Variants in CHST11 observed in about 807,000 individuals in gnomAD.
CHST11 encodes carbohydrate sulfotransferase 11.
A neutral mutation model predicts 30.4 loss-of-function variants in CHST11; 9 were observed. That is an observed-to-expected ratio of 0.30 (90% CI 0.18 to 0.52). The LOEUF (loss-of-function observed/expected upper bound fraction) is 0.52, where lower values mean the gene tolerates loss of function less well. Among genes scored for constraint, CHST11 ranks in the 20% least tolerant of loss-of-function variants. The pLI is 0.97. For synonymous variants in CHST11, 152 were observed against 187.8 expected (o/e 0.81, Z 1.56); for missense variants, 348 against 460.6 (o/e 0.76, Z 2.24).
chr12:104,628,548 G>A (rs2039241293), intron 2 of CHST11, among the ~76,000 whole-genome samples: 2 of 152,160 alleles, frequency 1.3e-5, no homozygotes, highest in South Asian at 2.1e-4. Flanking sequence ...GTAACGTGGC[G>A]TTGAATTCCG....
chr12:104,640,702 A>G (rs1037099579), intron 2 of CHST11, among the ~76,000 whole-genome samples: 3 of 152,230 alleles, frequency 2.0e-5, no homozygotes, highest in African/African-American at 7.2e-5. Flanking sequence ...CAAAGAATGA[A>G]GTCTAATGTA....
At chr12:104,636,864 T>TA (rs200514563) in intron 2 of CHST11, among the ~76,000 whole-genome samples, 1 of 151,850 alleles carries the variant, frequency 6.6e-6, no homozygotes, top group African/African-American at 2.4e-5. Context: ...TTTTTTTTTT[T>TA]AAAACAACTT....
In CHST11 at chr12:104,458,588, CCGGGTAACG is replaced by C. The variant is rs891005076; in HGVS notation, c.118+1065_118+1073del. Among the ~76,000 whole-genome samples the C allele has an allele frequency of 3.3e-5, 5 of 152,258 alleles. No homozygotes were observed. The highest frequency in any genetic ancestry group is 1.2e-4 in the African/African-American group (5 of 41,476). On this transcript the variant is annotated intron_variant, in intron 1 of 2. Coordinates refer to ENST00000303694, the MANE Select transcript of CHST11 (RefSeq NM_018413.6). The surrounding 1 kb of genome is among the most constrained non-coding windows in gnomAD (Gnocchi z 5.7). ...CAGGTAGAACGTTCCGAGAAGCCTT[CCGGGTAACG>C]CGGGTCTCCCCGCCAAGCCGTGGCT...
intron 1 of CHST11, among the ~76,000 whole-genome samples, chr12:104,537,771 C>T (rs1338929280): frequency 1.4e-5 from 2 of 147,262 alleles, no homozygotes; most frequent in East Asian, 4.2e-4. Flanking sequence ...TCATGGCTCA[C>T]TACAGCCTCA....
chr12:104,675,279 G>A (rs1191032567), intron 2 of CHST11, among the ~76,000 whole-genome samples: 2 of 152,206 alleles, frequency 1.3e-5, no homozygotes, highest in Admixed American at 1.3e-4. Context: ...ACCTATAATT[G>A]ACAGAAATTA....
chr12:104,642,245 T>C (rs2039383732), intron 2 of CHST11, among the ~76,000 whole-genome samples: 1 of 152,140 alleles, frequency 6.6e-6, no homozygotes. Flanking sequence ...GTGCAGCCTT[T>C]AGAATGGCAG....
intron 1 of CHST11, among the ~76,000 whole-genome samples, chr12:104,570,737 C>T (rs901085381): frequency 2.7e-5 from 4 of 149,850 alleles, no homozygotes; most frequent in Admixed American, 2.0e-4. Context: ...GTCACCCAGG[C>T]TAGAGTGCAG....
intron 1 of CHST11, among the ~76,000 whole-genome samples, chr12:104,539,062 C>T (rs1255918956): frequency 6.6e-6 from 1 of 152,222 alleles, no homozygotes; most frequent in East Asian, 1.9e-4. Flanking sequence ...ACACAGCTGG[C>T]AAATTGCAGA....
chr12:104,631,879 C>G (rs976498617), intron 2 of CHST11, among the ~76,000 whole-genome samples: 1 of 152,192 alleles, frequency 6.6e-6, no homozygotes, highest in Non-Finnish European at 1.5e-5. Flanking sequence ...TCCCTGCTCC[C>G]CAACTTTCCC....
intron 2 of CHST11, among the ~76,000 whole-genome samples, chr12:104,707,283 A>G (rs1201971009): frequency 6.6e-6 from 1 of 152,220 alleles, no homozygotes; most frequent in Admixed American, 6.5e-5. Context: ...ACCCCTTCCT[A>G]CAGAGTCGGG....
chr12:104,510,491 A>G (rs1253760174), intron 1 of CHST11, among the ~76,000 whole-genome samples: 2 of 152,232 alleles, frequency 1.3e-5, no homozygotes, highest in Non-Finnish European at 2.9e-5. Context: ...AGGAAACACC[A>G]TGCCCACCTT....
chr12:104,599,701 C>G (rs960252627), intron 1 of CHST11, among the ~76,000 whole-genome samples: 6 of 152,174 alleles, frequency 3.9e-5, no homozygotes, highest in African/African-American at 1.4e-4. Context: ...CGATTCCCTC[C>G]TCCCCAGGGA....
chr12:104,544,290 A>G (rs926659033), intron 1 of CHST11, among the ~76,000 whole-genome samples: 1 of 152,196 alleles, frequency 6.6e-6, no homozygotes, highest in African/African-American at 2.4e-5. Flanking sequence ...TTCTTAGAAA[A>G]TAATGAGCAT....
In CHST11 at chr12:104,704,866, C is replaced by A. The variant is rs2040019411; in HGVS notation, c.205-52083C>A. Among the ~76,000 whole-genome samples the A allele has an allele frequency of 2.0e-5, 3 of 152,028 alleles. No individual in the cohort carries two copies. In the South Asian group the frequency reaches 6.3e-4, roughly 32 times the overall value. The stretch of plus-strand genomic sequence containing the variant: ...ATCCCGCATCATCCGGCCACCTTGG[C>A]CCCTCAGTACTCCTCCTGGGGCACT... On this transcript the variant is annotated intron_variant, in intron 2 of 2. Transcript: ENST00000303694.
At chr12:104,502,996 G>A (rs780016135) in intron 1 of CHST11, among the ~76,000 whole-genome samples, 103 of 152,258 alleles carry the variant, frequency 6.8e-4, no homozygotes, top group Non-Finnish European at 1.3e-3. Context: ...CCCAGGTGAT[G>A]CTGATGCTGC....
chr12:104,665,055 G>T (rs2039630351), intron 2 of CHST11, among the ~76,000 whole-genome samples: 1 of 152,196 alleles, frequency 6.6e-6, no homozygotes, highest in Admixed American at 6.5e-5. Flanking sequence ...GACTCAGGGG[G>T]TAACTCCATA....
chr12:104,681,345 G>A (rs1047941357), intron 2 of CHST11, among the ~76,000 whole-genome samples: 2 of 152,164 alleles, frequency 1.3e-5, no homozygotes, highest in East Asian at 1.9e-4. Flanking sequence ...ACAAAAGACC[G>A]CATATGATAT....
intron 2 of CHST11, among the ~76,000 whole-genome samples, chr12:104,640,027 A>C (rs1455750527): frequency 3.9e-5 from 6 of 152,212 alleles, no homozygotes; most frequent in Non-Finnish European, 8.8e-5. Context: ...CAAAAATGAA[A>C]TAACACTTAA....
At chr12:104,519,301 T>A (rs925651812) in intron 1 of CHST11, among the ~76,000 whole-genome samples, 2 of 152,196 alleles carry the variant, frequency 1.3e-5, no homozygotes, top group East Asian at 3.8e-4. Context: ...GAAACCCCCT[T>A]ACCATAAGAG....
Sources: allele counts gnomAD v4.1 joint callset (sites outside exome capture counted in the v4.1 genomes callset), GRCh38; gene constraint gnomAD v4.1.1; non-coding constraint Gnocchi (gnomAD v3.1); transcripts MANE v1.5; gene names NCBI Gene and HGNC (gene_info 2026-07-23, HGNC 2026-07-21).